Variants in GPC6 observed in about 807,000 individuals in gnomAD.
GPC6 encodes the protein glypican 6.
In GPC6, 14 loss-of-function variants were observed where a neutral mutation model predicts 55.2. The ratio of observed to expected loss-of-function variants is 0.25; its 90% CI spans 0.17 to 0.40. GPC6 has a LOEUF of 0.40. Ranked by LOEUF, GPC6 falls within the 10% of genes least tolerant of loss-of-function variation. GPC6 has a pLI of 1.00. For missense variants in GPC6, 641 were observed against 708.5 expected (o/e 0.90, Z 1.08); for synonymous variants, 278 against 259.6 (o/e 1.07, Z -0.68).
chr13:94,064,965 A>G (rs1884464911), intron 4 of GPC6, among the ~76,000 whole-genome samples: 1 of 152,156 alleles, frequency 6.6e-6, no homozygotes, highest in South Asian at 2.1e-4. Context: ...TTACCTTGTA[A>G]TATTTAAACA....
chr13:93,987,759 G>T (rs1345875778), intron 3 of GPC6, among the ~76,000 whole-genome samples: 2 of 152,216 alleles, frequency 1.3e-5, no homozygotes, highest in East Asian at 3.9e-4. Context: ...GCTCTGTCAA[G>T]AGAAAGGAAT....
At chr13:93,580,424 T>G (rs539212862) in intron 2 of GPC6, among the ~76,000 whole-genome samples, 1 of 152,366 alleles carries the variant, frequency 6.6e-6, no homozygotes, top group African/African-American at 2.4e-5. Context: ...TTTATCACTC[T>G]GAAGGAGCAC....
At chr13:93,920,862 T>A (rs1159623736) in intron 3 of GPC6, among the ~76,000 whole-genome samples, 1 of 152,200 alleles carries the variant, frequency 6.6e-6, no homozygotes. Flanking sequence ...AGATTTTTTT[T>A]CTTCTCACCT....
chr13:94,297,864 A>G (rs774555701), intron 5 of GPC6, among the ~76,000 whole-genome samples: 5 of 152,124 alleles, frequency 3.3e-5, no homozygotes, highest in Non-Finnish European at 7.4e-5. Context: ...CCTGAGGACC[A>G]TTGTAATCAA....
chr13:93,350,682 T>C (rs1880601819), intron 1 of GPC6, among the ~76,000 whole-genome samples: 2 of 152,172 alleles, frequency 1.3e-5, no homozygotes, highest in African/African-American at 2.4e-5. Context: ...CACAGCTGCA[T>C]TGTAGAATAT....
At chr13:93,641,291 A>C (rs1879925789) in intron 2 of GPC6, among the ~76,000 whole-genome samples, 1 of 146,444 alleles carries the variant, frequency 6.8e-6, no homozygotes, top group African/African-American at 2.5e-5. Flanking sequence ...TCCTCTCCTG[A>C]AAAATATGGC....
At chr13:93,376,748 A>G (rs573242414) in intron 1 of GPC6, among the ~76,000 whole-genome samples, 1 of 148,662 alleles carries the variant, frequency 6.7e-6, no homozygotes, top group African/African-American at 2.5e-5. Flanking sequence ...ACCATCCTTT[A>G]ATTTCTGTAT....
intron 2 of GPC6, among the ~76,000 whole-genome samples, chr13:93,733,459 A>G (rs1883896122): frequency 6.6e-6 from 1 of 151,640 alleles, no homozygotes; most frequent in South Asian, 2.1e-4. Flanking sequence ...TGTGTATTAG[A>G]TGCTTAAGCC....
intron 1 of GPC6, among the ~76,000 whole-genome samples, chr13:93,407,065 ATTG>A (rs1453556840): frequency 2.0e-5 from 3 of 152,140 alleles, no homozygotes; most frequent in Non-Finnish European, 4.4e-5. Context: ...GTTGTATATT[ATTG>A]TTGTATCACT....
intron 2 of GPC6, among the ~76,000 whole-genome samples, chr13:93,761,002 C>A (rs1229138701): frequency 6.6e-6 from 1 of 152,190 alleles, no homozygotes; most frequent in Admixed American, 6.5e-5. Flanking sequence ...ATGTTTACAG[C>A]ATGGGATCAG....
At chr13:93,310,556 C>G (rs1032035498) in intron 1 of GPC6, among the ~76,000 whole-genome samples, 9 of 152,146 alleles carry the variant, frequency 5.9e-5, no homozygotes, top group Non-Finnish European at 1.2e-4. Flanking sequence ...CTCAGAGATG[C>G]CTTTAGTCCT....
At chr13:93,355,064 T>C (rs1052962938) in intron 1 of GPC6, among the ~76,000 whole-genome samples, 9 of 152,216 alleles carry the variant, frequency 5.9e-5, no homozygotes, top group African/African-American at 2.2e-4. Context: ...TGGCCTCAAG[T>C]TGATTACAGG....
intron 6 of GPC6, among the ~76,000 whole-genome samples, chr13:94,367,944 A>G (rs1427592114): frequency 6.6e-6 from 1 of 151,902 alleles, no homozygotes; most frequent in Non-Finnish European, 1.5e-5. Context: ...AGGTCAAAAG[A>G]TCAAGACCAT....
At chr13:93,287,475 C>T (rs1417752652) in intron 1 of GPC6, among the ~76,000 whole-genome samples, 1 of 152,158 alleles carries the variant, frequency 6.6e-6, no homozygotes, top group East Asian at 1.9e-4. Context: ...CCAGATCTTT[C>T]TTTACTCTTG....
At chr13:93,828,037 C>G (rs1246507597) in intron 2 of GPC6, among the ~76,000 whole-genome samples, 5 of 150,880 alleles carry the variant, frequency 3.3e-5, no homozygotes, top group Non-Finnish European at 4.4e-5. Flanking sequence ...TTTTTTAAAG[C>G]TCTTTGCAAA....
At chr13:93,699,399 G>A (rs1412291389) in intron 2 of GPC6, among the ~76,000 whole-genome samples, 2 of 152,028 alleles carry the variant, frequency 1.3e-5, no homozygotes, top group Non-Finnish European at 2.9e-5. Flanking sequence ...AAGTGGAGTG[G>A]AGGAGTGTGT....
chr13:93,523,400 C>T (rs1331797755), intron 1 of GPC6, among the ~76,000 whole-genome samples: 1 of 150,240 alleles, frequency 6.7e-6, no homozygotes, highest in East Asian at 2.0e-4. Flanking sequence ...TATATATATC[C>T]TCTTTTAAAT....
intron 2 of GPC6, among the ~76,000 whole-genome samples, chr13:93,749,697 T>C (rs1245820520): frequency 6.6e-6 from 1 of 151,880 alleles, no homozygotes; most frequent in Non-Finnish European, 1.5e-5. Flanking sequence ...TAATGAAAAA[T>C]GAACAACCCC....
chr13:93,880,114 G>A (rs1385321244), intron 3 of GPC6, among the ~76,000 whole-genome samples: 5 of 151,898 alleles, frequency 3.3e-5, no homozygotes, highest in Admixed American at 3.3e-4. Flanking sequence ...TACCCTGTTG[G>A]TGGGACTGTA....
Sources: allele counts gnomAD v4.1 joint callset (sites outside exome capture counted in the v4.1 genomes callset), GRCh38; gene constraint gnomAD v4.1.1; transcripts MANE v1.5; gene names NCBI Gene and HGNC (gene_info 2026-07-23, HGNC 2026-07-21).